The following ACR variants were observed in gnomAD, a reference collection of about 807,000 sequenced individuals.
ACR encodes acrosin light and heavy chain prepropeptide.
A neutral mutation model predicts 26.0 loss-of-function variants in ACR; 17 were observed. The observed-to-expected ratio is 0.65, with a 90% CI of 0.45 to 0.98. The LOEUF (loss-of-function observed/expected upper bound fraction) is 0.98, where lower values mean the gene tolerates loss of function less well. Ranked by LOEUF, ACR falls within the 50% of genes least tolerant of loss-of-function variation. The probability of loss-of-function intolerance (pLI) is 0.00; values close to 1 mark genes in which losing one functional copy is unlikely to be tolerated. For synonymous variants in ACR, 199 were observed against 207.7 expected, an observed-to-expected ratio of 0.96 and a Z score of 0.36; for missense variants, 435 against 519.3, an observed-to-expected ratio of 0.84 and a Z score of 1.58.
At chr22:50,742,575 G>A (rs1399208659) in intron 3 of ACR, among the ~76,000 whole-genome samples, 1 of 150,970 alleles carries the variant, frequency 6.6e-6, no homozygotes, top group African/African-American at 2.4e-5. Context: ...CGTCTTAATG[G>A]CTAATAAGCC....
intron 3 of ACR, chr22:50,740,446 C>T (rs1350169222): frequency 8.1e-6 from 5 of 618,332 alleles, no homozygotes; most frequent in Non-Finnish European, 1.5e-5. Flanking sequence ...GATTCCAGGG[C>T]CCAGCCTTCC....
Position 50,739,240 on chromosome 22 carries a change from A to C in ACR, c.78-31A>C. ...TACAAGGACAGGCTGTGCTCATGCC[A>C]GGTTTGAACTGTGCTCTGGTCTCTC... On this transcript the variant is annotated intron_variant, in intron 1 of 4. Transcript: ENST00000216139. This position sits in a 1 kb window ranked among gnomAD's most constrained non-coding sequence, Gnocchi z 5.5. 6.5e-7 allele frequency: 1 copy of C among 1,536,530 alleles called. No homozygotes were observed. The highest frequency in any genetic ancestry group is 8.8e-7 in the Non-Finnish European group (1 of 1,134,618).
chr22:50,739,602 G>A lies in ACR; in HGVS notation c.282-92G>A. The A allele has an allele frequency of 6.4e-7, 1 of 1,553,642 alleles. No homozygotes were observed. The highest frequency in any genetic ancestry group is 8.7e-7 in the Non-Finnish European group (1 of 1,145,580). ...AGTGGCTGCAAGACTCCGGGGGCTG[G>A]TCCAGACCTTTGCTAGGGGAAGGCC... On this transcript the variant is annotated intron_variant, in intron 2 of 4. Coordinates refer to ENST00000216139, the MANE Select transcript of ACR (RefSeq NM_001097.3). This position sits in a 1 kb window ranked among gnomAD's most constrained non-coding sequence, Gnocchi z 5.5.
At chr22:50,742,902 G>A (rs965733178) in intron 3 of ACR, among the ~76,000 whole-genome samples, 23 of 151,870 alleles carry the variant, frequency 1.5e-4, no homozygotes, top group Non-Finnish European at 2.6e-4. Flanking sequence ...GTGCTGCTGC[G>A]GTGGGGGCCA....
In ACR at chr22:50,739,286, A is replaced by C; in HGVS notation, c.93A>C (p.Leu31Phe). The C allele has an allele frequency of 4.4e-6, 7 of 1,579,794 alleles. No individual in the cohort carries two copies. Among genetic ancestry groups the C allele is most frequent in the Non-Finnish European group, 6.0e-6 (7 of 1,162,312 alleles). ...DNATCDGPCG[L>F]RFRQNPQGGV... is the part of the protein sequence containing the mutation. Reference sequence around the variant, plus strand: ...CTCTCCCCAGTGGCCCCTGTGGGTTACGGTTCAGGCAAAACCCACAGGGTG... The same window carrying C: ...CTCTCCCCAGTGGCCCCTGTGGGTTCCGGTTCAGGCAAAACCCACAGGGTG... The change falls in exon 2 of 5, where the codon TTA (leucine) becomes TTC (phenylalanine). Residue 31 changes from leucine to phenylalanine, a missense_variant. Physicochemically the swap from Leu to Phe is conservative, Grantham distance 22 (BLOSUM62 0). This residue lies in a region of ACR where 314 missense variants were observed against 372.0 expected (regional missense o/e 0.84). Coordinates refer to ENST00000216139, the MANE Select transcript of ACR (RefSeq NM_001097.3). The surrounding 1 kb of genome is among the most constrained non-coding windows in gnomAD (Gnocchi z 5.5).
At chr22:50,742,391 A>T (rs2083428206) in intron 3 of ACR, among the ~76,000 whole-genome samples, 1 of 151,412 alleles carries the variant, frequency 6.6e-6, no homozygotes, top group African/African-American at 2.4e-5. Flanking sequence ...AAAAATACAG[A>T]AAATTAGCCG....
In ACR at chr22:50,744,417, C is replaced by T. The variant is rs6010074; in HGVS notation, c.711+211C>T. The stretch of plus-strand genomic sequence containing the variant: ...GCCACCGGCTGCCCCTGCCATGTGC[C>T]CCTGTGGACACGTGGGTTTGCTCAT... On this transcript the variant is annotated intron_variant, in intron 4 of 4. Coordinates refer to ENST00000216139, the MANE Select transcript of ACR (RefSeq NM_001097.3). 9.4e-3 allele frequency: 6,060 copies of T among 641,442 alleles called. 214 individuals are homozygous for T. The highest frequency in any genetic ancestry group is 0.084 in the African/African-American group (4,586 of 54,366). The allele number at this position is 641,442 out of a possible 1,614,324, so 39.7% of individuals were successfully genotyped here.
intron 4 of ACR, 83 bp from the exon 5 acceptor site, chr22:50,744,570 T>C: frequency 2.7e-6 from 4 of 1,480,972 alleles, no homozygotes; most frequent in Non-Finnish European, 3.6e-6. Flanking sequence ...ACTGTGGAAA[T>C]TGTCCTCCCA....
rs769944788 is a variant in ACR at position 50,744,953 on chromosome 22, C to G, written c.1012C>G (p.Arg338Gly). The change falls in exon 5 of 5, where the codon CGA becomes GGA. Residue 338 changes from arginine to glycine, a missense_variant. Physicochemically the swap from Arg to Gly is moderately radical, Grantham distance 125. Coordinates refer to ENST00000216139, the MANE Select transcript of ACR (RefSeq NM_001097.3). Reference sequence around the variant, plus strand: ...ACCGCCCCCTCGACCACTTCCACCCCGACCACCGGCAGCCCAGCCCCGACC... The same window carrying G: ...ACCGCCCCCTCGACCACTTCCACCCGGACCACCGGCAGCCCAGCCCCGACC... Reference protein sequence around the residue: ...FQPPPRPLPPRPPAAQPRPPP... With the variant: ...FQPPPRPLPPGPPAAQPRPPP... The G allele has an allele frequency of 2.7e-6, 4 of 1,474,208 alleles. No homozygotes were observed. The highest frequency in any genetic ancestry group is 4.0e-5 in the Admixed American group (2 of 50,562). The allele number at this position is 1,474,208 out of a possible 1,614,324, so 91.3% of individuals were successfully genotyped here.
At chr22:50,743,952 T>C in intron 3 of ACR, 109 bp from the exon 4 acceptor site, 1 of 855,710 alleles carries the variant, frequency 1.2e-6, no homozygotes. Flanking sequence ...ACTGGATGGG[T>C]CTGAGGTTTA....
chr22:50,743,328 C>T (rs1303509441), intron 3 of ACR, among the ~76,000 whole-genome samples: 3 of 152,226 alleles, frequency 2.0e-5, no homozygotes, highest in East Asian at 3.8e-4. Context: ...AGCCACCGCG[C>T]CCAGCCAAGT....
Position 50,739,384 on chromosome 22 carries a change from C to T in ACR, c.191C>T (p.Thr64Met), listed in dbSNP as rs1064733. Residue 64 changes from threonine (T) to methionine (M), a missense_variant, in exon 2 of 5, where the codon ACG becomes ATG. Transcript: ENST00000216139. This position sits in a 1 kb window ranked among gnomAD's most constrained non-coding sequence, Gnocchi z 5.5. ...WPWMVSLQIF[T>M]YNSHRYHTCG... is the part of the protein sequence containing the mutation. ...TGGATGGTCAGCCTCCAGATCTTCA[C>T]GTACAACAGCCACAGGTACCACACA... is the stretch of plus-strand genomic sequence containing the variant. The T allele has an allele frequency of 3.7e-5, 59 of 1,614,048 alleles. No homozygotes were observed. The highest frequency in any genetic ancestry group is 1.5e-4 in the African/African-American group (11 of 75,072).
At position 50,742,757 on chromosome 22, in the gene ACR, G is replaced by A. The variant is rs374895009; in HGVS notation, c.566-1304G>A. On this transcript the variant is annotated intron_variant, in intron 3 of 4. Transcript: ENST00000216139. ...GCTTACCAGACGCCTGCTGTGTGCC[G>A]AGCCCTATGCACGTCACTCGTGTGT... Among the ~76,000 whole-genome samples, 388 of 152,282 alleles carry A rather than the reference G, an allele frequency of 2.5e-3. 4 individuals are homozygous for A. The highest frequency in any genetic ancestry group is 4.1e-3 in the Non-Finnish European group (279 of 68,010).
chr22:50,740,807 C>T (rs1206134574), intron 3 of ACR: 1 of 678,822 alleles, frequency 1.5e-6, no homozygotes, highest in African/African-American at 1.8e-5. Context: ...TTCTTCCGTA[C>T]CAGACCAGGC....
intron 1 of ACR, among the ~76,000 whole-genome samples, chr22:50,738,628 CA>C (rs2083409501): frequency 6.6e-6 from 1 of 151,670 alleles, no homozygotes; most frequent in African/African-American, 2.4e-5. Context: ...TGGTTGCCCC[CA>C]ACAGCCCCAG....
chr22:50,738,281 T>C lies in ACR; in HGVS notation c.46T>C (p.Ser16Pro). ...TGCCATTCTGCTGGTCTTGGCAGTG[T>C]CCGTGGTTGCTAAAGATAACGCCAC... Reference protein sequence around the residue: ...PTAILLVLAVSVVAKDNATCD... With the variant: ...PTAILLVLAVPVVAKDNATCD... The change falls in exon 1 of 5, where the codon TCC (serine) becomes CCC (proline). Residue 16 changes from serine (S) to proline (P), a missense_variant. Ser to Pro is a moderately conservative substitution (Grantham distance 74, BLOSUM62 -1). This residue lies in a region of ACR where 314 missense variants were observed against 372.0 expected (regional missense o/e 0.84). Transcript: ENST00000216139. The C allele has an allele frequency of 6.2e-7, 1 of 1,614,010 alleles. No homozygotes were observed. The highest frequency in any genetic ancestry group is 8.5e-7 in the Non-Finnish European group (1 of 1,179,938).
chr22:50,743,342 G>GGGCTTTCAAGGAAGTCCGC (rs1388093421), intron 3 of ACR: 2 of 152,502 alleles, frequency 1.3e-5, no homozygotes, highest in Non-Finnish European at 2.9e-5. Flanking sequence ...GCCAAGTCCA[G>GGGCTTTCAAGGAAGTCCGC]GGCTTTCAAG....
chr22:50,744,229 G>A (rs760312303), intron 4 of ACR, 23 bp downstream of exon 4: 2 of 1,601,008 alleles, frequency 1.2e-6, no homozygotes, highest in African/African-American at 2.7e-5. Flanking sequence ...CTGGCTTCTG[G>A]GCCCCTGGGT....
At chr22:50,740,434 G>A (rs2083420277) in intron 3 of ACR, 1 of 609,898 alleles carries the variant, frequency 1.6e-6, no homozygotes, top group Non-Finnish European at 2.9e-6. Context: ...CCTAACACCT[G>A]TGATTCCAGG....
Sources: gnomAD v4.1 joint callset for allele counts (sites outside exome capture counted in the v4.1 genomes callset) on GRCh38, gnomAD v4.1.1 for gene constraint, gnomAD v4.1.1 regional missense constraint, Gnocchi (gnomAD v3.1) non-coding constraint, MANE v1.5 for transcripts, NCBI Gene and HGNC (gene_info 2026-07-23, HGNC 2026-07-21) for gene names.